The following DLGAP2 variants were observed in gnomAD, a reference collection of about 807,000 sequenced individuals.
DLGAP2 encodes disks large-associated protein 2.
In DLGAP2, 26 loss-of-function variants were observed where a neutral mutation model predicts 100.3. The ratio of observed to expected loss-of-function variants is 0.26; its 90% confidence interval spans 0.19 to 0.36. The LOEUF (loss-of-function observed/expected upper bound fraction) is 0.36. DLGAP2 is among the 10% of genes least tolerant of loss of function. DLGAP2 has a pLI of 1.00. For missense variants in DLGAP2, 1,858 were observed against 1,453.2 expected (o/e 1.28, Z -4.53); for synonymous variants, 886 against 630.1 (o/e 1.41, Z -6.08).
chr8:1,364,553 C>T (rs1230652285), intron 3 of DLGAP2, among the ~76,000 whole-genome samples: 2 of 151,354 alleles, frequency 1.3e-5, no homozygotes, highest in Non-Finnish European at 2.9e-5. Context: ...CTGGGGCTGG[C>T]GGGAAGCGTC....
chr8:972,768 C>A (rs571977435), intron 2 of DLGAP2, among the ~76,000 whole-genome samples: 82 of 152,222 alleles, frequency 5.4e-4, no homozygotes, highest in African/African-American at 2.0e-3. Context: ...ACCCTGCGGC[C>A]TTCCGCGGTG....
At chr8:1,502,934 A>T (rs1799773507) in intron 4 of DLGAP2, among the ~76,000 whole-genome samples, 1 of 152,094 alleles carries the variant, frequency 6.6e-6, no homozygotes, top group East Asian at 1.9e-4. Flanking sequence ...AAGAACCTGG[A>T]GGCTGGAGCA....
intron 3 of DLGAP2, among the ~76,000 whole-genome samples, chr8:1,418,178 C>A (rs976454905): frequency 6.6e-6 from 1 of 152,222 alleles, no homozygotes. Flanking sequence ...TTTTCAAAGA[C>A]CTTGATCTTG....
intron 3 of DLGAP2, among the ~76,000 whole-genome samples, chr8:1,469,349 C>G (rs73534688): frequency 0.047 from 7,134 of 152,304 alleles, 573 homozygotes; most frequent in African/African-American, 0.16. Flanking sequence ...GAGAGCGAAG[C>G]GGGCTTTATT....
chr8:1,506,016 C>T (rs568824701), intron 4 of DLGAP2, among the ~76,000 whole-genome samples: 1 of 152,318 alleles, frequency 6.6e-6, no homozygotes, highest in South Asian at 2.1e-4. Context: ...AAAATGTACA[C>T]ACTGTGTAAT....
At chr8:1,329,754 C>A (rs1057511548) in intron 3 of DLGAP2, among the ~76,000 whole-genome samples, 1 of 152,148 alleles carries the variant, frequency 6.6e-6, no homozygotes, top group Non-Finnish European at 1.5e-5. Flanking sequence ...GTGCATTAGC[C>A]CCGGCTGTAC....
chr8:978,942 A>G (rs963601551), intron 2 of DLGAP2, among the ~76,000 whole-genome samples: 7 of 152,202 alleles, frequency 4.6e-5, no homozygotes, highest in Admixed American at 3.3e-4. Context: ...TCTGCTGGCA[A>G]CGAGTTTAGG....
chr8:1,086,444 C>T (rs1803977223), intron 2 of DLGAP2, among the ~76,000 whole-genome samples: 1 of 152,050 alleles, frequency 6.6e-6, no homozygotes, highest in Non-Finnish European at 1.5e-5. Flanking sequence ...CATTCTATAT[C>T]TAATTTGTTT....
chr8:907,546 T>C (rs1211338393), intron 1 of DLGAP2, among the ~76,000 whole-genome samples: 1 of 152,228 alleles, frequency 6.6e-6, no homozygotes, highest in East Asian at 1.9e-4. Flanking sequence ...TTCCAGGCTC[T>C]AATTGCGCCT....
At chr8:1,213,130 C>G (rs893252172) in intron 2 of DLGAP2, among the ~76,000 whole-genome samples, 4 of 152,112 alleles carry the variant, frequency 2.6e-5, no homozygotes, top group African/African-American at 7.2e-5. Flanking sequence ...GAAAGAGAAT[C>G]ACATCATCCT....
chr8:1,320,519 C>G (rs927449372), intron 3 of DLGAP2, among the ~76,000 whole-genome samples: 3 of 152,178 alleles, frequency 2.0e-5, no homozygotes, highest in African/African-American at 4.8e-5. Context: ...CATACGGGCA[C>G]AGAGCCGTGG....
At chr8:1,214,521 T>G (rs1463248) in intron 2 of DLGAP2, among the ~76,000 whole-genome samples, 15,184 of 152,248 alleles carry the variant, frequency 0.1, 1,586 homozygotes, top group African/African-American at 0.27. Flanking sequence ...GCCAAGGTAA[T>G]ACCCTAACCC....
chr8:1,472,632 G>A (rs1176609005), intron 3 of DLGAP2, among the ~76,000 whole-genome samples: 4 of 152,122 alleles, frequency 2.6e-5, no homozygotes, highest in Non-Finnish European at 4.4e-5. Flanking sequence ...AGATATACAG[G>A]TTCAGAATCG....
chr8:869,267 T>A lies in DLGAP2; in HGVS notation c.19-38645T>A, dbSNP rs998388502. Among the ~76,000 whole-genome samples, 3 of 151,938 alleles carry A rather than the reference T, an allele frequency of 2.0e-5. No homozygotes were observed. The South Asian group carries it at 6.2e-4, about 32-fold the overall frequency. On this transcript the variant is annotated intron_variant, in intron 1 of 14. Coordinates refer to ENST00000637795, the MANE Select transcript of DLGAP2 (RefSeq NM_001346810.2). ...TCACAGTGTGGATCTTCTGTTACTG[T>A]TAAGCTGTTTTCGCGTCCTTCTTGC...
chr8:1,107,040 T>C (rs1468458669), intron 2 of DLGAP2, among the ~76,000 whole-genome samples: 1 of 152,110 alleles, frequency 6.6e-6, no homozygotes, highest in African/African-American at 2.4e-5. Context: ...CAGGCAGCAG[T>C]GAGTGTACTG....
chr8:1,542,993 C>A (rs769701731), intron 4 of DLGAP2, among the ~76,000 whole-genome samples: 5 of 152,156 alleles, frequency 3.3e-5, no homozygotes, highest in Non-Finnish European at 5.9e-5. Context: ...TGTGCTCTTT[C>A]GCCGTTAGGA....
intron 2 of DLGAP2, among the ~76,000 whole-genome samples, chr8:1,177,093 A>G (rs766307772): frequency 2.0e-5 from 3 of 152,216 alleles, no homozygotes; most frequent in Admixed American, 6.5e-5. Flanking sequence ...TATAGTCAAC[A>G]TGGTCTAACC....
rs1386764702 is a variant in DLGAP2, at chr8:938,559, A to G, written c.73+30593A>G. On this transcript the variant is annotated intron_variant, in intron 2 of 14. Transcript: ENST00000637795. ...GGGATCTGGGCCAGACCCAGCCTAC[A>G]AGGGCCTCCCCTGCTCCCTGCAGAA... Among the ~76,000 whole-genome samples the G allele has an allele frequency of 3.3e-5, 5 of 152,206 alleles. No individual in the cohort carries two copies. The East Asian group carries it at 7.7e-4, about 24-fold the overall frequency.
intron 2 of DLGAP2, among the ~76,000 whole-genome samples, chr8:1,045,906 G>C (rs1802500817): frequency 1.3e-5 from 2 of 152,156 alleles, no homozygotes; most frequent in Admixed American, 1.3e-4. Context: ...TTGACTCCCA[G>C]ACCTGCCGTT....
Sources: allele counts gnomAD v4.1 joint callset (sites outside exome capture counted in the v4.1 genomes callset), GRCh38; gene constraint gnomAD v4.1.1; transcripts MANE v1.5; gene names NCBI Gene and HGNC (gene_info 2026-07-23, HGNC 2026-07-21).